Variants in IDE observed in about 807,000 individuals in gnomAD.
IDE encodes the protein insulin degrading enzyme.
A neutral mutation model predicts 133.2 loss-of-function variants in IDE; 58 were observed. The ratio of observed to expected loss-of-function variants is 0.44; its 90% CI spans 0.35 to 0.54. IDE has a LOEUF of 0.54. IDE is among the 20% of genes least tolerant of loss of function. The pLI, the probability that IDE is intolerant of heterozygous loss-of-function variation, is 0.00. For synonymous variants in IDE, 396 were observed against 421.3 expected, an observed-to-expected ratio of 0.94 and a Z score of 0.73; for missense variants, 981 against 1,234.0, an observed-to-expected ratio of 0.79 and a Z score of 3.07.
At chr10:92,520,053 C>T (rs932128560) in intron 4 of IDE, among the ~76,000 whole-genome samples, 67 of 152,064 alleles carry the variant, frequency 4.4e-4, no homozygotes, top group Middle Eastern at 6.8e-3. Context: ...TGCAGTAAGC[C>T]GAAATCAAGC....
At chr10:92,478,045 A>G (rs6583815) in intron 15 of IDE, among the ~76,000 whole-genome samples, 25,992 of 152,220 alleles carry the variant, frequency 0.17, 2,523 homozygotes, top group African/African-American at 0.25. Context: ...TATTTTCAAG[A>G]AAAGTGAAGA....
intron 5 of IDE, among the ~76,000 whole-genome samples, chr10:92,512,901 ATGCACCT>A (rs939323455): frequency 1.3e-5 from 2 of 152,140 alleles, no homozygotes; most frequent in African/African-American, 4.8e-5. Context: ...GCTATGTGCC[ATGCACCT>A]TGCTAAACAC....
At chr10:92,492,305 A>G (rs1847402896) in intron 11 of IDE, among the ~76,000 whole-genome samples, 1 of 152,072 alleles carries the variant, frequency 6.6e-6, no homozygotes, top group South Asian at 2.1e-4. Context: ...GGAAGGCAGA[A>G]GTAAAGTGAT....
chr10:92,514,970 T>C lies in IDE; in HGVS notation c.734A>G (p.His245Arg), dbSNP rs1848824639. ...IDVRQELLKF[H>R]SAYYSSNLMA... ...TAAGTTGGATGAATAGTAAGCAGAA[T>C]GGAATTTCAGTAGCTCTTGTCTTAC... is the stretch of plus-strand genomic sequence containing the variant. The change falls in exon 5 of 25, where the codon CAT becomes CGT. Residue 245 changes from histidine (H) to arginine (R), a missense_variant. His to Arg is a conservative substitution (Grantham distance 29). Coordinates refer to ENST00000265986, the MANE Select transcript of IDE (RefSeq NM_004969.4). The C allele has an allele frequency of 6.2e-7, 1 of 1,612,696 alleles. No homozygotes were observed. The highest frequency in any genetic ancestry group is 8.5e-7 in the Non-Finnish European group (1 of 1,178,756).
At chr10:92,520,308 T>A (rs1849153347) in intron 4 of IDE, among the ~76,000 whole-genome samples, 1 of 152,156 alleles carries the variant, frequency 6.6e-6, no homozygotes, top group African/African-American at 2.4e-5. Context: ...CAAATAAAGC[T>A]TACAAACTCA....
rs374765950 is a variant in IDE at position 92,514,964 on chromosome 10, G to C, written c.740C>G (p.Ala247Gly). 2.5e-6 allele frequency: 4 copies of C among 1,612,684 alleles called. No individual in the cohort carries two copies. The highest frequency in any genetic ancestry group is 1.3e-5 in the African/African-American group (1 of 75,020). ...AGCCATTAAGTTGGATGAATAGTAA[G>C]CAGAATGGAATTTCAGTAGCTCTTG... ...VRQELLKFHS[A>G]YYSSNLMAVC... The change falls in exon 5 of 25, where the codon GCT becomes GGT. Residue 247 changes from alanine to glycine, a missense_variant. Physicochemically the swap from Ala to Gly is moderately conservative, Grantham distance 60. Transcript: ENST00000265986.
At chr10:92,460,073 G>A (rs1291476208) in intron 22 of IDE, among the ~76,000 whole-genome samples, 2 of 151,918 alleles carry the variant, frequency 1.3e-5, no homozygotes, top group South Asian at 2.1e-4. Flanking sequence ...TCCTGACCTC[G>A]TGATTCACCC....
At chr10:92,477,891 C>G (rs1846363737) in intron 15 of IDE, among the ~76,000 whole-genome samples, 1 of 152,008 alleles carries the variant, frequency 6.6e-6, no homozygotes, top group Non-Finnish European at 1.5e-5. Flanking sequence ...TAAACAAAAG[C>G]TACCAGAGAA....
intron 1 of IDE, among the ~76,000 whole-genome samples, chr10:92,551,566 C>CAAAAAAAAAAAAAAAAAAA: frequency 1.5e-5 from 1 of 66,628 alleles, no homozygotes; most frequent in Non-Finnish European, 3.2e-5. Flanking sequence ...GACTCCATCT[C>CAAAAAAAAAAAAAAAAAAA]AAAAAAAAAA....
Position 92,454,393 on chromosome 10 carries a change from TG to T in IDE, c.*50del, listed in dbSNP as rs1844883592. 8.1e-7 allele frequency: 1 copy of T among 1,235,050 alleles called. No homozygotes were observed. The highest frequency in any genetic ancestry group is 1.2e-6 in the Non-Finnish European group (1 of 833,848). 76.5% of individuals were successfully genotyped at this position (1,235,050 alleles called of 1,614,324 possible). On this transcript the variant is annotated 3_prime_UTR_variant, in exon 25 of 25. Transcript: ENST00000265986. ...TGGCCAAGATGATTTTCTTAGGCTC[TG>T]GAAGACTCAGGAATGCATCCACTTG...
intron 1 of IDE, among the ~76,000 whole-genome samples, chr10:92,555,267 A>G (rs10882081): frequency 0.36 from 54,149 of 151,900 alleles, 9,870 homozygotes; most frequent in Admixed American, 0.43. Flanking sequence ...GGGAGCTGAG[A>G]TGGGGGGATC....
intron 11 of IDE, among the ~76,000 whole-genome samples, chr10:92,503,510 C>A (rs1192085199): frequency 6.6e-6 from 1 of 152,020 alleles, no homozygotes; most frequent in Non-Finnish European, 1.5e-5. Context: ...AAGAAAGTCA[C>A]CCGAGTCCAC....
chr10:92,492,964 C>T (rs1425024354), intron 11 of IDE, among the ~76,000 whole-genome samples: 1 of 152,192 alleles, frequency 6.6e-6, no homozygotes, highest in Non-Finnish European at 1.5e-5. Context: ...GACTAATCTT[C>T]CAGCTGTAGG....
At chr10:92,508,275 A>T (rs1327586138) in intron 7 of IDE, 70 bp from the exon 8 acceptor site, 5 of 1,155,888 alleles carry the variant, frequency 4.3e-6, no homozygotes, top group African/African-American at 1.5e-5. Context: ...GAAAAATTTT[A>T]AAAATTCATA....
At position 92,564,653 on chromosome 10, in the gene IDE, G is replaced by A. The variant is rs929696461; in HGVS notation, c.98+9269C>T. Reference sequence around the variant, plus strand: ...TGCGCCACTGCATTCCAGCCTGGGCGATAAAGCGAGACTGTCTCAAAAAAA... The same window carrying A: ...TGCGCCACTGCATTCCAGCCTGGGCAATAAAGCGAGACTGTCTCAAAAAAA... On this transcript the variant is annotated intron_variant, in intron 1 of 24. Coordinates refer to ENST00000265986, the MANE Select transcript of IDE (RefSeq NM_004969.4). 3.2e-4 allele frequency among the ~76,000 whole-genome samples: 33 copies of A among 101,594 alleles called. No homozygotes were observed. In the Admixed American group the frequency reaches 4.0e-3, roughly 12 times the overall value. The allele number at this position is 101,594 out of a possible 152,430, so 66.6% of individuals were successfully genotyped here. A position where few individuals can be genotyped will look rare whatever the true frequency, so the allele number is the denominator to read the frequency against.
chr10:92,484,732 CAA>C (rs149753278), intron 13 of IDE, among the ~76,000 whole-genome samples: 1 of 135,208 alleles, frequency 7.4e-6, no homozygotes. Context: ...GACTCTGTCT[CAA>C]AAAAAAAAAG....
chr10:92,479,128 C>A, intron 15 of IDE, 149 bp downstream of exon 15: 3 of 538,728 alleles, frequency 5.6e-6, no homozygotes, highest in Non-Finnish European at 9.4e-6. Flanking sequence ...AGAATAAAAG[C>A]TAACTTAAAA....
chr10:92,524,572 T>C (rs1211600434), intron 4 of IDE, among the ~76,000 whole-genome samples: 1 of 107,240 alleles, frequency 9.3e-6, no homozygotes, highest in East Asian at 2.6e-4. Flanking sequence ...TATAATAATA[T>C]ATATCATTCA....
intron 19 of IDE, among the ~76,000 whole-genome samples, chr10:92,466,567 T>G (rs1290499521): frequency 6.6e-6 from 1 of 151,936 alleles, no homozygotes; most frequent in Non-Finnish European, 1.5e-5. Flanking sequence ...TCCGCCTGCT[T>G]TGGCCTCCCA....
Sources: gnomAD v4.1 joint callset for allele counts (sites outside exome capture counted in the v4.1 genomes callset) on GRCh38, gnomAD v4.1.1 for gene constraint, MANE v1.5 for transcripts, NCBI Gene and HGNC (gene_info 2026-07-23, HGNC 2026-07-21) for gene names.